The following MAP3K13 variants were observed in gnomAD, a reference collection of about 807,000 sequenced individuals.
MAP3K13 encodes mitogen-activated protein kinase kinase kinase 13, also known as leucine zipper-bearing kinase.
In MAP3K13, 52 loss-of-function variants were observed where a neutral mutation model predicts 104.0. That is an observed-to-expected ratio of 0.50 (90% CI 0.40 to 0.63). The LOEUF is 0.63. MAP3K13 is among the 20% of genes least tolerant of loss of function. The pLI, the probability that MAP3K13 is intolerant of heterozygous loss-of-function variation, is 0.00. For missense variants in MAP3K13, 914 were observed against 1,218.5 expected (o/e 0.75, Z 3.72); for synonymous variants, 394 against 442.2 (o/e 0.89, Z 1.37).
At chr3:185,454,854 T>C (rs1385565037) in intron 7 of MAP3K13, among the ~76,000 whole-genome samples, 2 of 71,618 alleles carry the variant, frequency 2.8e-5, no homozygotes, top group Non-Finnish European at 5.5e-5. Flanking sequence ...ATGAGATATA[T>C]ACATGATATA....
At chr3:185,404,738 G>A (rs530735062) in intron 1 of MAP3K13, among the ~76,000 whole-genome samples, 29 of 151,932 alleles carry the variant, frequency 1.9e-4, no homozygotes, top group Non-Finnish European at 3.2e-4. Flanking sequence ...CACCACGCCC[G>A]GCTAATTTTT....
At chr3:185,329,011 A>G (rs1722142639) in intron 2 of MAP3K13, 2 of 478,238 alleles carry the variant, frequency 4.2e-6, no homozygotes, top group Non-Finnish European at 7.5e-6. Context: ...TCATATAAAA[A>G]GGATTGTAAG....
At chr3:185,348,456 T>C (rs550346807) in intron 2 of MAP3K13, among the ~76,000 whole-genome samples, 1 of 152,314 alleles carries the variant, frequency 6.6e-6, no homozygotes, top group Admixed American at 6.5e-5. Flanking sequence ...TTTATAATAG[T>C]TTTCTCTAGA....
Position 185,488,502 on chromosome 3 carries a change from A to C in MAP3K13, c.*6046A>C, listed in dbSNP as rs1718828906. On this transcript the variant is annotated 3_prime_UTR_variant, in exon 14 of 14. Coordinates refer to ENST00000265026, the MANE Select transcript of MAP3K13 (RefSeq NM_004721.5). ...AGCTCTAAAATCACTGCTCTGAGAA[A>C]CAGGAGGTGGGTTAAGGCTTTTGTT... is the stretch of plus-strand genomic sequence containing the variant. 6.6e-6 allele frequency: 1 copy of C among 152,272 alleles called. No individual in the cohort carries two copies. Among genetic ancestry groups the C allele is most frequent in the South Asian group, 2.1e-4 (1 of 4,834 alleles). 9.4% of individuals were successfully genotyped at this position (152,272 alleles called of 1,614,324 possible). A position where few individuals can be genotyped will look rare whatever the true frequency, so the allele number is the denominator to read the frequency against.
At chr3:185,442,645 T>C (rs1715388747) in intron 3 of MAP3K13, among the ~76,000 whole-genome samples, 1 of 151,116 alleles carries the variant, frequency 6.6e-6, no homozygotes, top group Non-Finnish European at 1.5e-5. Flanking sequence ...GTGATTCTCT[T>C]GCCTCAGCCT....
chr3:185,364,538 A>G (rs1245682257), intron 1 of MAP3K13, among the ~76,000 whole-genome samples: 2 of 152,190 alleles, frequency 1.3e-5, no homozygotes, highest in East Asian at 1.9e-4. Context: ...TTTTTATATT[A>G]TCTTTTCTCG....
intron 2 of MAP3K13, among the ~76,000 whole-genome samples, chr3:185,354,309 C>T (rs1270682686): frequency 6.6e-6 from 1 of 150,966 alleles, no homozygotes; most frequent in Non-Finnish European, 1.5e-5. Flanking sequence ...GAGCATCACC[C>T]GGTAGCCTAA....
chr3:185,317,342 G>C (rs1163981196), intron 2 of MAP3K13, among the ~76,000 whole-genome samples: 1 of 152,172 alleles, frequency 6.6e-6, no homozygotes, highest in African/African-American at 2.4e-5. Flanking sequence ...CCTTCCTGTT[G>C]CCTATGACTG....
Position 185,482,812 on chromosome 3 carries a change from A to AG in MAP3K13, c.*356_*357insG, listed in dbSNP as rs1718541442. 1 of 146,352 alleles carries AG rather than the reference A, an allele frequency of 6.8e-6. No homozygotes were observed. The highest frequency in any genetic ancestry group is 3.1e-5 in the African/African-American group (1 of 32,100). 9.1% of individuals were successfully genotyped at this position (146,352 alleles called of 1,614,324 possible). On this transcript the variant is annotated 3_prime_UTR_variant, in exon 14 of 14. Coordinates refer to ENST00000265026, the MANE Select transcript of MAP3K13 (RefSeq NM_004721.5). The surrounding 1 kb of genome is among the most constrained non-coding windows in gnomAD (Gnocchi z 4.5). The stretch of plus-strand genomic sequence containing the variant: ...AGATAGAGAGACAATAATTTCTTGC[A>AG]AAAAAAAAAAGAGATAAAAGAAAGA...
intron 1 of MAP3K13, among the ~76,000 whole-genome samples, chr3:185,409,641 C>CCAAAGGTT (rs1198892970): frequency 1.3e-5 from 2 of 151,922 alleles, no homozygotes; most frequent in African/African-American, 4.8e-5. Flanking sequence ...GAGTATTTAC[C>CCAAAGGTT]CAAAGGAAAA....
intron 7 of MAP3K13, among the ~76,000 whole-genome samples, chr3:185,455,266 G>GATATATATGAGATATATGAGAT (rs1560118926): frequency 2.8e-4 from 5 of 17,792 alleles, no homozygotes; most frequent in Non-Finnish European, 7.6e-4. Context: ...AGATATATGA[G>GATATATATGAGATATATGAGAT]ATATATATGA....
chr3:185,328,175 A>C (rs1178586940), intron 2 of MAP3K13, among the ~76,000 whole-genome samples: 1 of 152,200 alleles, frequency 6.6e-6, no homozygotes, highest in East Asian at 1.9e-4. Context: ...GTCAGAAAAT[A>C]CTACGTTTAC....
intron 2 of MAP3K13, among the ~76,000 whole-genome samples, chr3:185,431,576 A>G (rs1384024045): frequency 1.3e-5 from 2 of 152,190 alleles, no homozygotes; most frequent in African/African-American, 4.8e-5. Context: ...GAGTTCTCTC[A>G]CCAAGAAATT....
chr3:185,366,337 T>G (rs1391286633), intron 1 of MAP3K13, among the ~76,000 whole-genome samples: 1 of 152,190 alleles, frequency 6.6e-6, no homozygotes, highest in East Asian at 1.9e-4. Context: ...TATCCATTCA[T>G]CAGTTGATAG....
chr3:185,348,436 C>G (rs894552533), intron 2 of MAP3K13, among the ~76,000 whole-genome samples: 6 of 152,218 alleles, frequency 3.9e-5, no homozygotes, highest in Non-Finnish European at 7.3e-5. Flanking sequence ...CCCAATACAT[C>G]TCTCGAGTAT....
intron 2 of MAP3K13, among the ~76,000 whole-genome samples, chr3:185,288,540 G>GTGTGTGTGTA (rs1437773195): frequency 2.9e-5 from 4 of 140,204 alleles, no homozygotes; most frequent in Admixed American, 1.4e-4. Flanking sequence ...GTGTTTGTGT[G>GTGTGTGTGTA]TATATATATA....
chr3:185,425,924 G>A (rs548684102), intron 1 of MAP3K13, among the ~76,000 whole-genome samples: 7 of 151,902 alleles, frequency 4.6e-5, no homozygotes, highest in South Asian at 2.1e-4. Context: ...GTTATCTATC[G>A]GTCTTTCCTT....
intron 4 of MAP3K13, among the ~76,000 whole-genome samples, chr3:185,445,322 A>G (rs572155364): frequency 1.4e-4 from 21 of 152,314 alleles, no homozygotes; most frequent in African/African-American, 4.3e-4. Context: ...ATAAACTTCA[A>G]AACAGCTCTT....
rs1462553016 is a variant in MAP3K13 at position 185,487,397 on chromosome 3, C to T, written c.*4941C>T. On this transcript the variant is annotated 3_prime_UTR_variant, in exon 14 of 14. Coordinates refer to ENST00000265026, the MANE Select transcript of MAP3K13 (RefSeq NM_004721.5). The stretch of plus-strand genomic sequence containing the variant: ...GCCCAGGCTGGTATCGAACTCTGGG[C>T]TCTAGCGATCCTCCTGCTTTGGCCT... The T allele has an allele frequency of 6.6e-6, 1 of 151,218 alleles. No homozygotes were observed. Among genetic ancestry groups the T allele is most frequent in the East Asian group, 1.9e-4 (1 of 5,140 alleles). The allele number at this position is 151,218 out of a possible 1,614,324, so 9.4% of individuals were successfully genotyped here. A position where few individuals can be genotyped will look rare whatever the true frequency, so the allele number is the denominator to read the frequency against.
Sources: gnomAD v4.1 joint callset for allele counts (sites outside exome capture counted in the v4.1 genomes callset) on GRCh38, gnomAD v4.1.1 for gene constraint, Gnocchi (gnomAD v3.1) non-coding constraint, MANE v1.5 for transcripts, NCBI Gene and HGNC (gene_info 2026-07-23, HGNC 2026-07-21) for gene names.